KAZN: variants seen among roughly 807,000 people sequenced by gnomAD.
KAZN encodes the protein kazrin.
In KAZN, 40 loss-of-function variants were observed where a neutral mutation model predicts 87.4. The observed-to-expected ratio is 0.46, with a 90% CI of 0.36 to 0.60. KAZN has a LOEUF of 0.60. KAZN is among the 20% of genes least tolerant of loss of function. The pLI, the probability that KAZN is intolerant of heterozygous loss-of-function variation, is 0.00. For synonymous variants in KAZN, 466 were observed against 458.3 expected, an observed-to-expected ratio of 1.02 and a Z score of -0.22; for missense variants, 898 against 1,073.9, an observed-to-expected ratio of 0.84 and a Z score of 2.29.
chr1:15,102,999 G>A (rs916068031), intron 11 of KAZN, among the ~76,000 whole-genome samples: 6 of 152,230 alleles, frequency 3.9e-5, no homozygotes, highest in African/African-American at 1.4e-4. Context: ...GGTGGCTCAC[G>A]CCTGTAATCC....
At chr1:13,981,462 G>A (rs1027763394) in intron 1 of KAZN, among the ~76,000 whole-genome samples, 11 of 151,914 alleles carry the variant, frequency 7.2e-5, no homozygotes, top group African/African-American at 2.7e-4. Context: ...ACCCTGCCCA[G>A]ATTCAATGAG....
At chr1:14,302,960 A>G (rs1414374769) in intron 2 of KAZN, among the ~76,000 whole-genome samples, 1 of 152,140 alleles carries the variant, frequency 6.6e-6, no homozygotes, top group African/African-American at 2.4e-5. Context: ...TGGGAACAAG[A>G]TTGAATGTGA....
At chr1:14,913,532 A>G (rs1354305660) in intron 1 of KAZN, among the ~76,000 whole-genome samples, 1 of 152,224 alleles carries the variant, frequency 6.6e-6, no homozygotes, top group Non-Finnish European at 1.5e-5. Flanking sequence ...GGGCCATTAC[A>G]GATTTCTGCC....
At chr1:14,511,150 T>C (rs1261878447) in intron 2 of KAZN, among the ~76,000 whole-genome samples, 2 of 152,172 alleles carry the variant, frequency 1.3e-5, no homozygotes, top group Non-Finnish European at 1.5e-5. Context: ...CATGTGATAT[T>C]CATTCATTTC....
chr1:14,070,088 G>C (rs1643184395), intron 1 of KAZN, among the ~76,000 whole-genome samples: 1 of 150,028 alleles, frequency 6.7e-6, no homozygotes. Flanking sequence ...AGAATCGCTT[G>C]AACCTGAGAA....
rs139043553 is a variant in KAZN at position 14,216,691 on chromosome 1, T to C, written c.249+36099T>C. On this transcript the variant is annotated intron_variant, in intron 2 of 16. Coordinates refer to the KAZN transcript ENST00000636203. ...GAGGCTGAGGCAGGTGGATGACCTG[T>C]CAGGATTTCAAGAACAGCCTGGTCA... 8.9e-3 allele frequency among the ~76,000 whole-genome samples: 1,355 copies of C among 152,128 alleles called. 20 individuals are homozygous for C. Among genetic ancestry groups the C allele is most frequent in the African/African-American group, 0.031 (1,289 of 41,508 alleles).
At chr1:15,110,519 GTGTA>G (rs1557807249) in intron 13 of KAZN, among the ~76,000 whole-genome samples, 74 of 89,374 alleles carry the variant, frequency 8.3e-4, no homozygotes, top group South Asian at 1.9e-3. Flanking sequence ...GTGTGTTTGT[GTGTA>G]TGTGTTTGTG....
At chr1:13,982,812 C>T (rs1189465934) in intron 1 of KAZN, among the ~76,000 whole-genome samples, 1 of 152,044 alleles carries the variant, frequency 6.6e-6, no homozygotes, top group African/African-American at 2.4e-5. Context: ...GAGCTAGACA[C>T]AGGGTGCTGA....
At chr1:14,830,719 A>G (rs1461213697) in intron 1 of KAZN, among the ~76,000 whole-genome samples, 1 of 152,172 alleles carries the variant, frequency 6.6e-6, no homozygotes, top group Non-Finnish European at 1.5e-5. Flanking sequence ...TGAGAACTCT[A>G]TCTCAAGACA....
At chr1:14,876,455 T>C (rs898967607) in intron 1 of KAZN, among the ~76,000 whole-genome samples, 1 of 152,172 alleles carries the variant, frequency 6.6e-6, no homozygotes, top group Admixed American at 6.5e-5. Context: ...ACCTTGAAAT[T>C]GCAGGTAGGA....
intron 1 of KAZN, among the ~76,000 whole-genome samples, chr1:14,629,174 C>T (rs1225972226): frequency 6.6e-6 from 1 of 152,132 alleles, no homozygotes; most frequent in Admixed American, 6.5e-5. Flanking sequence ...GAGATCAATT[C>T]TCATACGGTG....
At chr1:14,175,832 T>C (rs1402701650) in intron 1 of KAZN, among the ~76,000 whole-genome samples, 1 of 152,074 alleles carries the variant, frequency 6.6e-6, no homozygotes, top group Non-Finnish European at 1.5e-5. Context: ...GTCTGTGTAT[T>C]GGGAGTTTGG....
At chr1:14,417,511 A>C (rs948931916) in intron 2 of KAZN, among the ~76,000 whole-genome samples, 2 of 152,188 alleles carry the variant, frequency 1.3e-5, no homozygotes, top group Non-Finnish European at 2.9e-5. Flanking sequence ...CATGGAGTCA[A>C]TGAAACACAT....
chr1:14,783,242 A>G (rs1307100342), intron 1 of KAZN, among the ~76,000 whole-genome samples: 4 of 152,128 alleles, frequency 2.6e-5, no homozygotes, highest in African/African-American at 9.7e-5. Flanking sequence ...AGATCAGAAC[A>G]TTTAGTTTTA....
At chr1:14,053,018 C>T (rs944313197) in intron 1 of KAZN, among the ~76,000 whole-genome samples, 3 of 152,142 alleles carry the variant, frequency 2.0e-5, no homozygotes, top group Admixed American at 6.5e-5. Flanking sequence ...GTGGGCAGGG[C>T]CGGTGCCTCA....
At chr1:14,380,386 C>A (rs533709446) in intron 2 of KAZN, among the ~76,000 whole-genome samples, 2 of 152,172 alleles carry the variant, frequency 1.3e-5, no homozygotes, top group African/African-American at 4.8e-5. Flanking sequence ...ACACCAGGAA[C>A]CTATTTGAAG....
At chr1:14,105,407 G>A (rs1393553776) in intron 1 of KAZN, among the ~76,000 whole-genome samples, 1 of 152,148 alleles carries the variant, frequency 6.6e-6, no homozygotes, top group African/African-American at 2.4e-5. Flanking sequence ...AAAGGCCCTG[G>A]GGTGGAAGGG....
intron 1 of KAZN, among the ~76,000 whole-genome samples, chr1:13,996,679 G>T (rs1639533187): frequency 6.6e-6 from 1 of 152,218 alleles, no homozygotes; most frequent in South Asian, 2.1e-4. Context: ...CCAGCCAAAG[G>T]CTCAGGGATA....
At chr1:13,934,444 T>C (rs551434008) in intron 1 of KAZN, among the ~76,000 whole-genome samples, 1 of 152,280 alleles carries the variant, frequency 6.6e-6, no homozygotes, top group East Asian at 1.9e-4. Flanking sequence ...TGTGCTTTTG[T>C]CAAAGTCTAT....
Sources: allele counts gnomAD v4.1 joint callset (sites outside exome capture counted in the v4.1 genomes callset), GRCh38; gene constraint gnomAD v4.1.1; transcripts MANE v1.5; gene names NCBI Gene and HGNC (gene_info 2026-07-23, HGNC 2026-07-21).